The following ADCY2 variants were observed in gnomAD, a reference collection of about 807,000 sequenced individuals.
ADCY2 encodes the protein adenylate cyclase 2.
Under a neutral mutation model 125.2 loss-of-function variants are expected in ADCY2, and 31 were observed. The ratio of observed to expected loss-of-function variants is 0.25; its 90% CI spans 0.19 to 0.33. The LOEUF (loss-of-function observed/expected upper bound fraction) is 0.33, where lower values mean the gene tolerates loss of function less well. Ranked by LOEUF, ADCY2 falls within the 10% of genes least tolerant of loss-of-function variation. ADCY2 has a pLI of 1.00. For missense variants in ADCY2, 904 were observed against 1,418.2 expected, an observed-to-expected ratio of 0.64 and a Z score of 5.82; for synonymous variants, 512 against 548.4, an observed-to-expected ratio of 0.93 and a Z score of 0.93.
At position 7,772,908 on chromosome 5, in the gene ADCY2, GTC is replaced by G. The variant is rs775361362; in HGVS notation, c.2215-22_2215-21del. ...TTCTCAGAAGAGATCCTAAGTATCT[GTC>G]TGGTGTCCTTCCCTGTTTCAGTACT... is the stretch of plus-strand genomic sequence containing the variant. On this transcript the variant is annotated intron_variant, in intron 17 of 24. Coordinates refer to ENST00000338316, the MANE Select transcript of ADCY2 (RefSeq NM_020546.3). 3 of 1,610,734 alleles carry G rather than the reference GTC, an allele frequency of 1.9e-6. No individual in the cohort carries two copies. The East Asian group carries it at 6.7e-5, about 36-fold the overall frequency.
intron 4 of ADCY2, among the ~76,000 whole-genome samples, chr5:7,652,285 T>TA (rs1390955901): frequency 1.3e-5 from 2 of 152,154 alleles, no homozygotes; most frequent in African/African-American, 4.8e-5. Context: ...GTGACATGTA[T>TA]AAAAATGAAT....
In ADCY2 at chr5:7,802,422, A is replaced by G; in HGVS notation, c.2775+58A>G. 1 of 1,568,706 alleles carries G rather than the reference A, an allele frequency of 6.4e-7. No individual in the cohort carries two copies. The highest frequency in any genetic ancestry group is 8.6e-7 in the Non-Finnish European group (1 of 1,156,486). The stretch of plus-strand genomic sequence containing the variant: ...AGTACACTCAGTCTCACACCTGTGC[A>G]CTTGAAGTTACTTCAGGATAGTGGC... On this transcript the variant is annotated intron_variant, in intron 21 of 24. Transcript: ENST00000338316. The surrounding 1 kb of genome is among the most constrained non-coding windows in gnomAD (Gnocchi z 4.6).
chr5:7,797,595 G>A (rs1744462835), intron 20 of ADCY2: 1 of 152,232 alleles, frequency 6.6e-6, no homozygotes, highest in South Asian at 2.1e-4. Context: ...CCTTTGATAG[G>A]GCACGTGTGT....
At chr5:7,578,902 G>A (rs1020664569) in intron 3 of ADCY2, among the ~76,000 whole-genome samples, 1 of 152,128 alleles carries the variant, frequency 6.6e-6, no homozygotes, top group Non-Finnish European at 1.5e-5. Flanking sequence ...TGAGTAATGG[G>A]AACCCAGACA....
At chr5:7,490,876 C>T (rs1743138402) in intron 2 of ADCY2, among the ~76,000 whole-genome samples, 1 of 152,086 alleles carries the variant, frequency 6.6e-6, no homozygotes, top group Non-Finnish European at 1.5e-5. Context: ...AGTCAGGTGT[C>T]TGTTAAATAA....
intron 2 of ADCY2, among the ~76,000 whole-genome samples, chr5:7,435,344 G>A (rs1740755786): frequency 1.3e-5 from 2 of 152,220 alleles, no homozygotes; most frequent in East Asian, 1.9e-4. Context: ...TTTTGGCTAC[G>A]GCTTTTCTTC....
intron 4 of ADCY2, among the ~76,000 whole-genome samples, chr5:7,664,867 C>A (rs977860850): frequency 3.3e-5 from 5 of 152,156 alleles, no homozygotes; most frequent in African/African-American, 1.2e-4. Context: ...ACTTGGTCTC[C>A]ACAGTCCTTT....
At chr5:7,521,567 C>T (rs996556597) in intron 3 of ADCY2, among the ~76,000 whole-genome samples, 4 of 152,194 alleles carry the variant, frequency 2.6e-5, no homozygotes, top group East Asian at 1.9e-4. Flanking sequence ...TTAATTTGCT[C>T]TGTGGAGATC....
At position 7,828,918 on chromosome 5, in the gene ADCY2, A is replaced by C. The variant is rs1286193120; in HGVS notation, c.*2047A>C. On this transcript the variant is annotated 3_prime_UTR_variant, in exon 25 of 25. Coordinates refer to ENST00000338316, the MANE Select transcript of ADCY2 (RefSeq NM_020546.3). ...CAGCTGGGTGGTCCACCAAGTTCTC[A>C]TAAACAGAGTCCCTCCCATTCCCCC... The C allele has an allele frequency of 2.0e-5, 3 of 152,348 alleles. No homozygotes were observed. Among genetic ancestry groups the C allele is most frequent in the Non-Finnish European group, 4.4e-5 (3 of 68,056 alleles). 9.4% of individuals were successfully genotyped at this position (152,348 alleles called of 1,614,324 possible). A position where few individuals can be genotyped will look rare whatever the true frequency, so the allele number is the denominator to read the frequency against.
chr5:7,647,128 G>T (rs1055607000), intron 4 of ADCY2, among the ~76,000 whole-genome samples: 2 of 152,158 alleles, frequency 1.3e-5, no homozygotes, highest in Non-Finnish European at 2.9e-5. Context: ...TCAGAGATGT[G>T]CAAATGTGCC....
At chr5:7,597,501 G>A (rs1405201292) in intron 3 of ADCY2, among the ~76,000 whole-genome samples, 13 of 152,354 alleles carry the variant, frequency 8.5e-5, no homozygotes, top group Non-Finnish European at 1.5e-4. Context: ...GTGGCCAGGC[G>A]CAGTGGCTCA....
chr5:7,425,021 C>T (rs563738181), intron 2 of ADCY2, among the ~76,000 whole-genome samples: 13 of 152,266 alleles, frequency 8.5e-5, no homozygotes, highest in African/African-American at 3.1e-4. Context: ...AGCCACTCGC[C>T]AGCTTCTCCC....
chr5:7,680,364 A>G (rs1740289271), intron 4 of ADCY2, among the ~76,000 whole-genome samples: 1 of 152,192 alleles, frequency 6.6e-6, no homozygotes, highest in Non-Finnish European at 1.5e-5. Context: ...GATAGCGCTG[A>G]GGGTGAGAAA....
intron 2 of ADCY2, among the ~76,000 whole-genome samples, chr5:7,440,774 G>C (rs1444812969): frequency 6.6e-6 from 1 of 152,144 alleles, no homozygotes; most frequent in African/African-American, 2.4e-5. Context: ...TGATACAAAA[G>C]AAATCAATAA....
chr5:7,462,195 A>G (rs1052174549), intron 2 of ADCY2, among the ~76,000 whole-genome samples: 2 of 152,258 alleles, frequency 1.3e-5, no homozygotes, highest in African/African-American at 4.8e-5. Flanking sequence ...GCAACAGCAG[A>G]CGAACCCAAA....
rs145754462 is a variant in ADCY2 at position 7,602,168 on chromosome 5, G to T, written c.571-23999G>T. On this transcript the variant is annotated intron_variant, in intron 3 of 24. Coordinates refer to ENST00000338316, the MANE Select transcript of ADCY2 (RefSeq NM_020546.3). Reference sequence around the variant, plus strand: ...CAAAATCATAAACTTAGTTACATTTGCAAAGGTACAATTTTTTCCAAGTAA... The same window carrying T: ...CAAAATCATAAACTTAGTTACATTTTCAAAGGTACAATTTTTTCCAAGTAA... 2.1e-3 allele frequency among the ~76,000 whole-genome samples: 326 copies of T among 152,278 alleles called. 1 individual carries two copies. The highest frequency in any genetic ancestry group is 7.0e-3 in the African/African-American group (290 of 41,548).
At chr5:7,809,043 G>A (rs1744850905) in intron 22 of ADCY2, among the ~76,000 whole-genome samples, 1 of 152,168 alleles carries the variant, frequency 6.6e-6, no homozygotes. Context: ...CTTTGCATGA[G>A]GCTGTTGAGA....
rs539854054 is a variant in ADCY2 at position 7,824,492 on chromosome 5, G to A, written c.3124-2227G>A. 5.3e-5 allele frequency among the ~76,000 whole-genome samples: 8 copies of A among 152,310 alleles called. No individual in the cohort carries two copies. In the East Asian group the frequency reaches 5.8e-4, roughly 11 times the overall value. On this transcript the variant is annotated intron_variant, in intron 24 of 24. Coordinates refer to ENST00000338316, the MANE Select transcript of ADCY2 (RefSeq NM_020546.3). ...AAAAGGCCACTTTTGGTGGAAGGCC[G>A]CTCGTCCAATGACTGCAGAATTTGC... is the stretch of plus-strand genomic sequence containing the variant.
chr5:7,450,644 C>A (rs1357188390), intron 2 of ADCY2, among the ~76,000 whole-genome samples: 1 of 152,198 alleles, frequency 6.6e-6, no homozygotes, highest in Non-Finnish European at 1.5e-5. Flanking sequence ...ACAAAATAAC[C>A]TTCTGTTATA....
Sources: gnomAD v4.1 joint callset for allele counts (sites outside exome capture counted in the v4.1 genomes callset) on GRCh38, gnomAD v4.1.1 for gene constraint, Gnocchi (gnomAD v3.1) non-coding constraint, MANE v1.5 for transcripts, NCBI Gene and HGNC (gene_info 2026-07-23, HGNC 2026-07-21) for gene names.